The following SPATA21 variants were observed in gnomAD, a reference collection of about 807,000 sequenced individuals.
SPATA21 encodes the protein spermatogenesis associated 21.
SPATA21 carries 47 observed loss-of-function variants against 54.8 expected under a neutral mutation model. That is an observed-to-expected ratio of 0.86 (90% CI 0.68 to 1.09). The LOEUF (loss-of-function observed/expected upper bound fraction) is 1.09, where lower values mean the gene tolerates loss of function less well. SPATA21 is among the 50% of genes least tolerant of loss of function. The pLI, the probability that SPATA21 is intolerant of heterozygous loss-of-function variation, is 0.00. For missense variants in SPATA21, 599 were observed against 596.4 expected (o/e 1.00, Z -0.05); for synonymous variants, 245 against 235.3 (o/e 1.04, Z -0.38).
At chr1:16,400,932 T>A in intron 10 of SPATA21, 40 bp from the exon 11 acceptor site, 1 of 1,594,584 alleles carries the variant, frequency 6.3e-7, no homozygotes, top group Non-Finnish European at 8.5e-7. Context: ...CTGGCTGTGT[T>A]TAATTCACCC....
intron 5 of SPATA21, among the ~76,000 whole-genome samples, chr1:16,414,808 G>A (rs887794557): frequency 7.0e-6 from 1 of 142,248 alleles, no homozygotes; most frequent in African/African-American, 2.6e-5. Context: ...CAGGAGAATC[G>A]CTTAAACCTG....
rs768065877 is a variant in SPATA21, at chr1:16,431,236, T to C, written c.34+102A>G. On this transcript the variant is annotated intron_variant, in intron 3 of 12. Transcript: ENST00000335496. ...AATGGATCAGAACATGGGGTGCAGG[T>C]CCCTACCTTGCTGACTCCTGGTATG... 4 of 1,606,874 alleles carry C rather than the reference T, an allele frequency of 2.5e-6. No individual in the cohort carries two copies. The African/African-American group carries it at 5.3e-5, about 21-fold the overall frequency.
intron 7 of SPATA21, chr1:16,408,504 C>T: frequency 1.0e-6 from 1 of 985,526 alleles, no homozygotes; most frequent in African/African-American, 1.7e-5. Flanking sequence ...AAACCTAAAG[C>T]ACTGTGCAGG....
chr1:16,406,667 CG>C (rs1557648924), intron 7 of SPATA21, among the ~76,000 whole-genome samples: 1 of 152,144 alleles, frequency 6.6e-6, no homozygotes. Flanking sequence ...ACTTGATCCC[CG>C]AAGGTGGAGG....
intron 7 of SPATA21, among the ~76,000 whole-genome samples, chr1:16,406,149 TCA>T: frequency 6.6e-6 from 1 of 152,096 alleles, no homozygotes. Context: ...AGATGGAGTT[TCA>T]CTCTGTCACC....
downstream of SPATA21, chr1:16,396,891 C>T (rs2085321563): frequency 6.6e-6 from 1 of 152,350 alleles, no homozygotes; most frequent in African/African-American, 2.4e-5. Flanking sequence ...ATGAGCAGAG[C>T]TGGAACCAGA....
In SPATA21 at chr1:16,400,948, C is replaced by T. The variant is rs1031215562; in HGVS notation, c.1002-56G>A. The T allele has an allele frequency of 5.8e-6, 9 of 1,564,330 alleles. No homozygotes were observed. In the East Asian group the frequency reaches 1.6e-4, roughly 27 times the overall value. On this transcript the variant is annotated intron_variant, in intron 10 of 12. Transcript: ENST00000335496. ...TGGCTGTGTTTAATTCACCCTTCTC[C>T]TCCTCAGCCCCTATCTCTCTGGCCA...
At position 16,402,444 on chromosome 1, in the gene SPATA21, G is replaced by T. The variant is rs1244526330; in HGVS notation, c.1001+1283C>A. 2.0e-5 allele frequency among the ~76,000 whole-genome samples: 3 copies of T among 151,472 alleles called. No individual in the cohort carries two copies. The East Asian group carries it at 5.9e-4, about 30-fold the overall frequency. ...GCCCAGCTAATTTTTTGTATTTTCA[G>T]TAGAGACGAGGTTTCACCATGTTAG... On this transcript the variant is annotated intron_variant, in intron 10 of 12. Coordinates refer to ENST00000335496, the MANE Select transcript of SPATA21 (RefSeq NM_198546.1).
intron 5 of SPATA21, among the ~76,000 whole-genome samples, chr1:16,415,492 T>C (rs2085976307): frequency 6.6e-6 from 1 of 152,204 alleles, no homozygotes; most frequent in Admixed American, 6.5e-5. Context: ...CCTCTGCCCC[T>C]GTTGCAGATA....
rs951455245 is a variant in SPATA21 at position 16,434,281 on chromosome 1, TTTTC to T, written c.-186-1361_-186-1358del. On this transcript the variant is annotated intron_variant, in intron 1 of 12. Coordinates refer to ENST00000335496, the MANE Select transcript of SPATA21 (RefSeq NM_198546.1). ...TAGATAGAAATTGAGGTTGTTTCTT[TTTTC>T]TTTCTTTTTTTTTTTTTTGAGACAG... 9.9e-5 allele frequency among the ~76,000 whole-genome samples: 15 copies of T among 151,860 alleles called. No individual in the cohort carries two copies. The South Asian group carries it at 1.9e-3, about 19-fold the overall frequency.
chr1:16,403,492 C>CTT (rs1202879935), intron 10 of SPATA21, among the ~76,000 whole-genome samples: 9 of 83,312 alleles, frequency 1.1e-4, no homozygotes, highest in African/African-American at 1.9e-4. Flanking sequence ...TCTTTTTTTT[C>CTT]TTTTTTTTTT....
chr1:16,414,617 G>A (rs746438878), intron 5 of SPATA21, among the ~76,000 whole-genome samples: 11 of 152,156 alleles, frequency 7.2e-5, no homozygotes, highest in Non-Finnish European at 1.3e-4. Context: ...ATAGCTGGAC[G>A]GGCGCGGTGG....
At chr1:16,400,510 G>A (rs2085411206) in intron 11 of SPATA21, 8 of 1,329,284 alleles carry the variant, frequency 6.0e-6, no homozygotes, top group South Asian at 2.0e-5. Flanking sequence ...AGGAGGGGAG[G>A]AGTCCAACGC....
intron 10 of SPATA21, among the ~76,000 whole-genome samples, chr1:16,401,492 C>T (rs750375041): frequency 1.3e-5 from 2 of 152,264 alleles, no homozygotes; most frequent in South Asian, 4.2e-4. Flanking sequence ...GACGTGGTCT[C>T]GCTGTGTTGC....
intron 3 of SPATA21, among the ~76,000 whole-genome samples, chr1:16,430,469 G>A (rs1482050523): frequency 6.6e-6 from 1 of 152,068 alleles, no homozygotes; most frequent in Non-Finnish European, 1.5e-5. Context: ...AAACATATTT[G>A]ATGGAAAGAG....
In SPATA21 at chr1:16,409,839, G is replaced by C; in HGVS notation, c.349C>G (p.Leu117Val). Residue 117 changes from leucine (L) to valine (V), a missense_variant, in exon 6 of 13, where the codon CTG becomes GTG. By Grantham distance (32) the Leu-to-Val change is conservative. Transcript: ENST00000335496. The surrounding 1 kb of genome is among the most constrained non-coding windows in gnomAD (Gnocchi z 4.1). ...SQTAQKSPRT[L>V]TPVPTSAPSL... ...GGAGCTGAGGTGGGCACCGGGGTCA[G>C]GGTCCTGGGCGACTTCTGGGCTGTC... 6.2e-7 allele frequency: 1 copy of C among 1,601,600 alleles called. No individual in the cohort carries two copies. The highest frequency in any genetic ancestry group is 8.5e-7 in the Non-Finnish European group (1 of 1,174,720).
At chr1:16,429,531 A>G (rs11260755) in intron 3 of SPATA21, among the ~76,000 whole-genome samples, 36,657 of 151,740 alleles carry the variant, frequency 0.24, 5,393 homozygotes, top group East Asian at 0.75. Flanking sequence ...CTGGAGTGCA[A>G]TGGTGCAATC....
At chr1:16,425,077 C>G (rs910622754) in intron 3 of SPATA21, 2 of 359,100 alleles carry the variant, frequency 5.6e-6, no homozygotes, top group Non-Finnish European at 1.1e-5. Context: ...TGCCACCACA[C>G]CCGGCTAATT....
In SPATA21 at chr1:16,428,596, G is replaced by A. The variant is rs1308952735; in HGVS notation, c.34+2742C>T. Among the ~76,000 whole-genome samples the A allele has an allele frequency of 1.3e-5, 2 of 151,018 alleles. No individual in the cohort carries two copies. The highest frequency in any genetic ancestry group is 2.9e-5 in the Non-Finnish European group (2 of 67,890). ...TTTTTTTGTAGGCCAGGCTGGTCTC[G>A]AACTTCTGACCTCAAGTGATCCGTC... is the stretch of plus-strand genomic sequence containing the variant. On this transcript the variant is annotated intron_variant, in intron 3 of 12. Coordinates refer to ENST00000335496, the MANE Select transcript of SPATA21 (RefSeq NM_198546.1). The surrounding 1 kb of genome is among the most constrained non-coding windows in gnomAD (Gnocchi z 4.3).
Sources: gnomAD v4.1 joint callset for allele counts (sites outside exome capture counted in the v4.1 genomes callset) on GRCh38, gnomAD v4.1.1 for gene constraint, Gnocchi (gnomAD v3.1) non-coding constraint, MANE v1.5 for transcripts, NCBI Gene and HGNC (gene_info 2026-07-23, HGNC 2026-07-21) for gene names.